The following PARP4 variants were observed in gnomAD, a reference collection of about 807,000 sequenced individuals.
PARP4 encodes the protein protein mono-ADP-ribosyltransferase PARP4.
A neutral mutation model predicts 187.7 loss-of-function variants in PARP4; 120 were observed. That is an observed-to-expected ratio of 0.64 (90% CI 0.55 to 0.74). The LOEUF (loss-of-function observed/expected upper bound fraction) is 0.74. Ranked by LOEUF, PARP4 falls within the 30% of genes least tolerant of loss-of-function variation. The pLI is 0.00. For missense variants in PARP4, 1,836 were observed against 2,070.5 expected (o/e 0.89, Z 2.20); for synonymous variants, 654 against 740.9 (o/e 0.88, Z 1.90).
chr13:24,482,989 G>A (rs1393431281), intron 12 of PARP4, among the ~76,000 whole-genome samples: 2 of 151,706 alleles, frequency 1.3e-5, no homozygotes, highest in Non-Finnish European at 2.9e-5. Flanking sequence ...GATTTCCAGT[G>A]TTCTGTTACT....
At chr13:24,452,674 A>ACACATCCCTACATG in intron 23 of PARP4, 81 bp from the exon 24 acceptor site, 1 of 1,124,384 alleles carries the variant, frequency 8.9e-7, no homozygotes, top group Non-Finnish European at 1.3e-6. Context: ...ACATCTAAGG[A>ACACATCCCTACATG]CAGTGTAGGG....
chr13:24,426,026 T>TA (rs1418127469), intron 33 of PARP4, among the ~76,000 whole-genome samples: 1 of 152,218 alleles, frequency 6.6e-6, no homozygotes, highest in African/African-American at 2.4e-5. Flanking sequence ...AATAGTTTGC[T>TA]AGTTTGATTT....
chr13:24,497,584 C>A (rs1869025112), intron 6 of PARP4, among the ~76,000 whole-genome samples: 1 of 152,144 alleles, frequency 6.6e-6, no homozygotes, highest in African/African-American at 2.4e-5. Flanking sequence ...CCTCACCTCC[C>A]ACACTCCAAA....
chr13:24,459,673 A>G (rs1442264519), intron 18 of PARP4, among the ~76,000 whole-genome samples: 7 of 152,076 alleles, frequency 4.6e-5, no homozygotes, highest in Non-Finnish European at 7.4e-5. Context: ...TAATTTTCTT[A>G]TTTTGGCTTA....
rs1566017377 is a variant in PARP4, at chr13:24,492,558, C to T, written c.916G>A (p.Ala306Thr). ...GCTGTTTCTCCATTTTTCAGTGCTG[C>T]CTTTACTAGAAGGAGAATCCCCTCT... ...KAEGILLLVK[A>T]ALKNGETAEQ... The change falls in exon 9 of 34, where the codon GCA (alanine) becomes ACA (threonine). Residue 306 changes from alanine (A) to threonine (T), a missense_variant. Physicochemically the swap from Ala to Thr is moderately conservative, Grantham distance 58. Transcript: ENST00000381989. 1 of 1,614,040 alleles carries T rather than the reference C, an allele frequency of 6.2e-7. No individual in the cohort carries two copies. The highest frequency in any genetic ancestry group is 2.2e-5 in the East Asian group (1 of 44,878).
Position 24,490,788 on chromosome 13 carries a change from G to C in PARP4, c.1094C>G (p.Ser365Cys). ...DMVNVCETNL[S>C]KPNPPSLAKY... The stretch of plus-strand genomic sequence containing the variant: ...GGCCAGGGATGGTGGGTTGGGTTTG[G>C]ACAAATTAGTTTCACAGACATTAAC... The change falls in exon 10 of 34, where the codon TCC becomes TGC. Residue 365 changes from serine to cysteine, a missense_variant. Ser to Cys is a moderately radical substitution (Grantham distance 112). Around this residue, in one of 8 missense-constraint regions of PARP4, gnomAD observed 1,147 missense variants for 1,214.2 expected, o/e 0.94. Coordinates refer to ENST00000381989, the MANE Select transcript of PARP4 (RefSeq NM_006437.4). 6.2e-7 allele frequency: 1 copy of C among 1,614,094 alleles called. No homozygotes were observed. Among genetic ancestry groups the C allele is most frequent in the Non-Finnish European group, 8.5e-7 (1 of 1,179,986 alleles).
chr13:24,486,197 A>C lies in PARP4; in HGVS notation c.1323T>G (p.Pro441=). The change falls in exon 11 of 34, where the codon CCT becomes CCG. Residue 441 remains proline, a synonymous_variant. Coordinates refer to ENST00000381989, the MANE Select transcript of PARP4 (RefSeq NM_006437.4). The part of the protein sequence containing the change: ...GNVRPLLHGS[P]VQNIVGILCR... ...ACAAGATTCCCACGATGTTTTGTAC[A>C]GGAGAACCATGCAACAAGGGCCTCA... The C allele has an allele frequency of 1.2e-6, 2 of 1,613,786 alleles. No individual in the cohort carries two copies. The highest frequency in any genetic ancestry group is 1.7e-6 in the Non-Finnish European group (2 of 1,179,894).
At chr13:24,463,662 C>T (rs1872316877) in intron 17 of PARP4, among the ~76,000 whole-genome samples, 2 of 152,020 alleles carry the variant, frequency 1.3e-5, no homozygotes, top group East Asian at 1.9e-4. Context: ...TAATAAGAAC[C>T]ATTAATGACA....
At chr13:24,425,567 G>C (rs200985065) in intron 33 of PARP4, among the ~76,000 whole-genome samples, 2 of 142,308 alleles carry the variant, frequency 1.4e-5, no homozygotes, top group Non-Finnish European at 3.0e-5. Flanking sequence ...GTGTGTGTGT[G>C]TGTATATCTA....
rs367993999 is a variant in PARP4 at position 24,501,745 on chromosome 13, T to C, written c.222A>G (p.Pro74=). The part of the protein sequence containing the change: ...IQKNHVHIAN[P]DFIWKSIREK... ...CCCTGATAGATTTCCATATAAAATC[T>C]GGGTTTGCAATATGAACGTGGTTCT... is the stretch of plus-strand genomic sequence containing the variant. Residue 74 remains proline, a synonymous_variant, in exon 3 of 34, where the codon CCA becomes CCG. Transcript: ENST00000381989. 3.7e-5 allele frequency: 59 copies of C among 1,612,150 alleles called. No individual in the cohort carries two copies. In the Admixed American group the frequency reaches 8.8e-4, roughly 24 times the overall value.
chr13:24,498,106 A>G lies in PARP4; in HGVS notation c.591+10T>C. ...AGTAAACACATAGGAATCAATATAA[A>G]CAGCATTACCTCCATGCCATCATCC... On this transcript the variant is annotated intron_variant, in intron 6 of 33. Coordinates refer to ENST00000381989, the MANE Select transcript of PARP4 (RefSeq NM_006437.4). 1 of 1,570,634 alleles carries G rather than the reference A, an allele frequency of 6.4e-7. No individual in the cohort carries two copies. Among genetic ancestry groups the G allele is most frequent in the Non-Finnish European group, 8.8e-7 (1 of 1,140,518 alleles).
intron 15 of PARP4, among the ~76,000 whole-genome samples, chr13:24,471,081 G>C (rs1458303125): frequency 3.3e-5 from 5 of 152,162 alleles, no homozygotes; most frequent in Admixed American, 3.3e-4. Context: ...GAGTGTGCCT[G>C]GTGAGGAGGC....
intron 25 of PARP4, among the ~76,000 whole-genome samples, chr13:24,448,579 C>A (rs576605912): frequency 6.6e-6 from 1 of 152,114 alleles, no homozygotes; most frequent in East Asian, 1.9e-4. Flanking sequence ...CCCAAAAAAA[C>A]TAAACATAAA....
intron 1 of PARP4, among the ~76,000 whole-genome samples, chr13:24,506,742 G>T (rs1243110126): frequency 2.6e-5 from 4 of 152,332 alleles, no homozygotes; most frequent in African/African-American, 9.6e-5. Context: ...AGACTCAGGA[G>T]CCCAGCTGGC....
chr13:24,481,076 T>C lies in PARP4; in HGVS notation c.1449-2800A>G, dbSNP rs573276470. 5.9e-5 allele frequency among the ~76,000 whole-genome samples: 9 copies of C among 152,358 alleles called. No individual in the cohort carries two copies. In the South Asian group the frequency reaches 1.9e-3, roughly 32 times the overall value. On this transcript the variant is annotated intron_variant, in intron 12 of 33. Transcript: ENST00000381989. ...CTATAAGCTGAAGCCAGTGCTCACTTACCATTCCAAAAATCCTAGGGCCCT... is the reference window on the plus strand; with the variant it reads ...CTATAAGCTGAAGCCAGTGCTCACTCACCATTCCAAAAATCCTAGGGCCCT...
intron 1 of PARP4, among the ~76,000 whole-genome samples, chr13:24,510,850 G>A (rs1473632597): frequency 6.6e-6 from 1 of 152,140 alleles, no homozygotes; most frequent in East Asian, 1.9e-4. Context: ...CTGGAGTGCA[G>A]TGGTGTGGTC....
At chr13:24,424,896 G>C (rs1463111916) in intron 33 of PARP4, among the ~76,000 whole-genome samples, 1 of 151,200 alleles carries the variant, frequency 6.6e-6, no homozygotes, top group East Asian at 1.9e-4. Context: ...TGTTAGCCAA[G>C]ATGGTCTCGA....
intron 7 of PARP4, among the ~76,000 whole-genome samples, chr13:24,494,134 C>T (rs1025922064): frequency 4.6e-5 from 7 of 152,200 alleles, no homozygotes; most frequent in Non-Finnish European, 1.0e-4. Context: ...ATTCCCCACT[C>T]AACTTCCATG....
chr13:24,431,372 C>A lies in PARP4; in HGVS notation c.4846+5G>T. 2 of 1,500,346 alleles carry A rather than the reference C, an allele frequency of 1.3e-6. No individual in the cohort carries two copies. Among genetic ancestry groups the A allele is most frequent in the Non-Finnish European group, 1.8e-6 (2 of 1,094,140 alleles). 92.9% of individuals were successfully genotyped at this position (1,500,346 alleles called of 1,614,324 possible). A position where few individuals can be genotyped will look rare whatever the true frequency, so the allele number is the denominator to read the frequency against. ...GACTTAATAAATGGAAACATAGTGC[C>A]TTACCTAGAGATTGAATGCCTTTTT... On this transcript the variant is annotated splice_donor_5th_base_variant and intron_variant, in intron 32 of 33. Transcript: ENST00000381989.
Sources: allele counts gnomAD v4.1 joint callset (sites outside exome capture counted in the v4.1 genomes callset), GRCh38; gene constraint gnomAD v4.1.1; regional missense constraint gnomAD v4.1.1; transcripts MANE v1.5; gene names NCBI Gene and HGNC (gene_info 2026-07-23, HGNC 2026-07-21).